Variants in ST6GALNAC5 observed in about 807,000 individuals in gnomAD.
ST6GALNAC5 encodes the protein ST6 N-acetylgalactosaminide alpha-2,6-sialyltransferase 5.
Under a neutral mutation model 33.6 loss-of-function variants are expected in ST6GALNAC5, and 27 were observed. The observed-to-expected ratio is 0.80, with a 90% CI of 0.59 to 1.11. ST6GALNAC5 has a LOEUF of 1.11. Among genes scored for constraint, ST6GALNAC5 ranks in the 50% least tolerant of loss-of-function variants. The probability of loss-of-function intolerance (pLI) is 0.00; values close to 1 mark genes in which losing one functional copy is unlikely to be tolerated. For synonymous variants in ST6GALNAC5, 194 were observed against 171.2 expected (o/e 1.13, Z -1.04); for missense variants, 428 against 454.0 (o/e 0.94, Z 0.52).
At chr1:76,867,821 T>A (rs1192312984) in intron 1 of ST6GALNAC5, 131 bp downstream of exon 1, 1 of 1,298,024 alleles carries the variant, frequency 7.7e-7, no homozygotes, top group East Asian at 2.4e-5. Flanking sequence ...AGGGACAACT[T>A]TCTACCCGCT....
At chr1:77,014,404 G>T (rs895609121) in intron 2 of ST6GALNAC5, among the ~76,000 whole-genome samples, 2 of 152,182 alleles carry the variant, frequency 1.3e-5, no homozygotes, top group South Asian at 4.1e-4. Flanking sequence ...AGGAGGCAAT[G>T]GCAGATTAAG....
At chr1:77,017,185 C>T (rs1042081074) in intron 2 of ST6GALNAC5, among the ~76,000 whole-genome samples, 8 of 148,644 alleles carry the variant, frequency 5.4e-5, no homozygotes, top group African/African-American at 2.0e-4. Flanking sequence ...GACACAGTAT[C>T]TTTCCCTTCC....
chr1:76,894,998 G>T (rs1654095329), intron 2 of ST6GALNAC5, among the ~76,000 whole-genome samples: 1 of 152,074 alleles, frequency 6.6e-6, no homozygotes. Context: ...TTCTCTGGCG[G>T]GCAGAGTGGG....
At chr1:76,963,484 G>A (rs979344314) in intron 2 of ST6GALNAC5, among the ~76,000 whole-genome samples, 3 of 152,266 alleles carry the variant, frequency 2.0e-5, no homozygotes, top group South Asian at 4.2e-4. Context: ...GCAACATGGG[G>A]ACTAAGGAAG....
chr1:76,890,615 A>G (rs915665256), intron 2 of ST6GALNAC5, among the ~76,000 whole-genome samples: 1 of 151,970 alleles, frequency 6.6e-6, no homozygotes, highest in Non-Finnish European at 1.5e-5. Flanking sequence ...AACAGATTTA[A>G]GAAACATTTT....
chr1:76,962,090 A>AT (rs1448791172), intron 2 of ST6GALNAC5, among the ~76,000 whole-genome samples: 2 of 152,244 alleles, frequency 1.3e-5, no homozygotes, highest in South Asian at 2.1e-4. Flanking sequence ...CAGTTGGCTG[A>AT]TTTTTTTTAA....
chr1:77,014,485 G>A (rs1650751324), intron 2 of ST6GALNAC5, among the ~76,000 whole-genome samples: 1 of 152,192 alleles, frequency 6.6e-6, no homozygotes, highest in African/African-American at 2.4e-5. Flanking sequence ...CCCTGCCCAG[G>A]AAAAGGCTTA....
intron 2 of ST6GALNAC5, among the ~76,000 whole-genome samples, chr1:76,969,544 C>G (rs1261450825): frequency 1.3e-5 from 2 of 152,178 alleles, no homozygotes; most frequent in Admixed American, 1.3e-4. Flanking sequence ...CTGGGCGGAG[C>G]CTACCACAGC....
chr1:76,868,684 C>T lies in ST6GALNAC5; in HGVS notation c.203C>T (p.Pro68Leu). The T allele has an allele frequency of 6.4e-7, 1 of 1,555,380 alleles. No homozygotes were observed. The highest frequency in any genetic ancestry group is 8.7e-7 in the Non-Finnish European group (1 of 1,149,420). Residue 68 changes from proline to leucine, a missense_variant, in exon 2 of 5, where the codon CCC becomes CTC. Physicochemically the swap from Pro to Leu is moderately conservative, Grantham distance 98. Transcript: ENST00000477717. The surrounding 1 kb of genome is among the most constrained non-coding windows in gnomAD (Gnocchi z 4.3). ...GCGGAGAGCAGCACCCAGCAGCGCCCCGGGGTCCCCGCGGGACCGCGGCCA... is the reference window on the plus strand; with the variant it reads ...GCGGAGAGCAGCACCCAGCAGCGCCTCGGGGTCCCCGCGGGACCGCGGCCA... The part of the protein sequence containing the change: ...PAAESSTQQR[P>L]GVPAGPRPLD...
At chr1:76,920,860 A>G (rs1381428013) in intron 2 of ST6GALNAC5, among the ~76,000 whole-genome samples, 2 of 152,222 alleles carry the variant, frequency 1.3e-5, no homozygotes, top group East Asian at 3.9e-4. Flanking sequence ...GCCCCCAAAC[A>G]GAAAACATAT....
At chr1:76,886,029 G>T (rs1189387411) in intron 2 of ST6GALNAC5, among the ~76,000 whole-genome samples, 1 of 152,176 alleles carries the variant, frequency 6.6e-6, no homozygotes, top group African/African-American at 2.4e-5. Flanking sequence ...TACATATGCA[G>T]CCTCACGTTT....
At chr1:76,890,624 T>G (rs1653994778) in intron 2 of ST6GALNAC5, among the ~76,000 whole-genome samples, 1 of 152,056 alleles carries the variant, frequency 6.6e-6, no homozygotes, top group Non-Finnish European at 1.5e-5. Flanking sequence ...AAGAAACATT[T>G]TGAATGTTTA....
intron 2 of ST6GALNAC5, among the ~76,000 whole-genome samples, chr1:76,971,197 C>A (rs1026440088): frequency 5.9e-5 from 9 of 152,076 alleles, no homozygotes; most frequent in Non-Finnish European, 1.2e-4. Context: ...TAAATATTTG[C>A]AAAATTAAAA....
intron 2 of ST6GALNAC5, among the ~76,000 whole-genome samples, chr1:76,976,608 T>C (rs994397260): frequency 2.0e-5 from 3 of 152,218 alleles, no homozygotes; most frequent in African/African-American, 7.2e-5. Flanking sequence ...TTTAGGTTTT[T>C]GCAATACTAT....
chr1:77,033,794 G>T (rs575577471), intron 2 of ST6GALNAC5, among the ~76,000 whole-genome samples: 1 of 152,168 alleles, frequency 6.6e-6, no homozygotes, highest in African/African-American at 2.4e-5. Context: ...CAGCCAGGCC[G>T]GAGAATAGAG....
intron 2 of ST6GALNAC5, among the ~76,000 whole-genome samples, chr1:76,965,592 G>A (rs1451867518): frequency 6.6e-6 from 1 of 152,122 alleles, no homozygotes; most frequent in African/African-American, 2.4e-5. Context: ...CTTTTGCTGT[G>A]CAGAAGCTCT....
chr1:76,947,286 C>T (rs187241331), intron 2 of ST6GALNAC5, among the ~76,000 whole-genome samples: 213 of 152,026 alleles, frequency 1.4e-3, no homozygotes, highest in African/African-American at 4.9e-3. Flanking sequence ...GCTCTTTCAA[C>T]GAAATAAGTA....
At chr1:76,990,465 G>A (rs1184317786) in intron 2 of ST6GALNAC5, among the ~76,000 whole-genome samples, 2 of 152,120 alleles carry the variant, frequency 1.3e-5, no homozygotes, top group Admixed American at 6.6e-5. Context: ...GGTGAAATGT[G>A]CGCCTTCTCA....
At chr1:77,057,841 T>G (rs1345390462) in intron 4 of ST6GALNAC5, among the ~76,000 whole-genome samples, 1 of 152,166 alleles carries the variant, frequency 6.6e-6, no homozygotes, top group Non-Finnish European at 1.5e-5. Flanking sequence ...TTCCCTTGCT[T>G]GTTAGGGTTA....
Sources: gnomAD v4.1 joint callset for allele counts (sites outside exome capture counted in the v4.1 genomes callset) on GRCh38, gnomAD v4.1.1 for gene constraint, Gnocchi (gnomAD v3.1) non-coding constraint, MANE v1.5 for transcripts, NCBI Gene and HGNC (gene_info 2026-07-23, HGNC 2026-07-21) for gene names.